Variants in TRIM51G observed in about 807,000 individuals in gnomAD.
The protein encoded by TRIM51G is tripartite motif-containing 51G, also known as tripartite motif-containing protein 51G.
chr11:48,979,209 T>C, the TRIM51G span: 1 of 573,188 alleles, frequency 1.7e-6, no homozygotes, highest in Admixed American at 2.4e-5. Flanking sequence ...CTCGATCTTG[T>C]CAATTCTCAG....
the TRIM51G span, chr11:48,977,236 A>G: frequency 1.3e-6 from 1 of 772,320 alleles, no homozygotes; most frequent in South Asian, 1.4e-5. Context: ...ATACATAAGA[A>G]TCACCACCTT....
chr11:48,976,301 T>G, the TRIM51G span, among the ~76,000 whole-genome samples: 1 of 152,172 alleles, frequency 6.6e-6, no homozygotes, highest in African/African-American at 2.4e-5. Flanking sequence ...ATGCCCTGAA[T>G]GCCCTTTAGC....
the TRIM51G span, chr11:48,975,847 A>T: frequency 5.8e-6 from 7 of 1,203,364 alleles, no homozygotes; most frequent in Non-Finnish European, 8.6e-6. Context: ...TTTGCCAGAT[A>T]TGAAAAAATC....
chr11:48,980,661 A>G, the TRIM51G span, among the ~76,000 whole-genome samples: 7 of 152,252 alleles, frequency 4.6e-5, no homozygotes, highest in South Asian at 2.1e-4. Context: ...TATTTGTTGG[A>G]GTATTGCTAT....
At chr11:48,983,460 C>T in the TRIM51G span, among the ~76,000 whole-genome samples, 35,892 of 151,828 alleles carry the variant, frequency 0.24, 4,871 homozygotes, top group African/African-American at 0.37. Context: ...ACATGCAGTA[C>T]ACATATATAG....
chr11:48,978,621 A>G, the TRIM51G span, among the ~76,000 whole-genome samples: 1 of 152,146 alleles, frequency 6.6e-6, no homozygotes, highest in African/African-American at 2.4e-5. Flanking sequence ...GATGAGAAAT[A>G]TTTCTTGGGG....
chr11:48,983,804 A>C, the TRIM51G span, among the ~76,000 whole-genome samples: 2 of 152,090 alleles, frequency 1.3e-5, no homozygotes, highest in African/African-American at 4.8e-5. Flanking sequence ...AGTATTCCCC[A>C]AGATCAGGAG....
chr11:48,975,856 T>C, the TRIM51G span: 9 of 1,027,720 alleles, frequency 8.8e-6, no homozygotes, highest in Non-Finnish European at 1.2e-5. Context: ...TATGAAAAAA[T>C]CAGCCCCCCA....
At chr11:48,981,272 A>C in the TRIM51G span, 13 of 1,603,462 alleles carry the variant, frequency 8.1e-6, no homozygotes, top group Non-Finnish European at 1.1e-5. Context: ...AGATCTTCAG[A>C]GGCATCACTT....
chr11:48,980,797 G>T, the TRIM51G span: 4 of 392,170 alleles, frequency 1.0e-5, no homozygotes, highest in South Asian at 2.0e-5. Flanking sequence ...TTTTTTCCTT[G>T]TTTGTTGATT....
the TRIM51G span, among the ~76,000 whole-genome samples, chr11:48,980,245 C>T: frequency 6.6e-6 from 1 of 151,906 alleles, no homozygotes; most frequent in Non-Finnish European, 1.5e-5. Context: ...AGATATCATA[C>T]CCTCAATATA....
At chr11:48,981,365 G>T in the TRIM51G span, 2 of 1,607,506 alleles carry the variant, frequency 1.2e-6, no homozygotes, top group Non-Finnish European at 1.7e-6. Flanking sequence ...AGCAAACAGA[G>T]CAGGCTCTTG....
At chr11:48,981,652 C>A in the TRIM51G span, 1 of 1,599,024 alleles carries the variant, frequency 6.3e-7, no homozygotes, top group Non-Finnish European at 8.6e-7. Flanking sequence ...GCAGATGGGA[C>A]AGATGAGTTC....
chr11:48,978,078 G>T, the TRIM51G span: 2 of 486,892 alleles, frequency 4.1e-6, no homozygotes, highest in South Asian at 1.5e-5. Flanking sequence ...CAATATCAAA[G>T]TTCCTGCTTG....
the TRIM51G span, chr11:48,978,199 A>T: frequency 1.9e-6 from 1 of 531,598 alleles, no homozygotes; most frequent in Non-Finnish European, 3.9e-6. Context: ...TTTCCACAAG[A>T]TGCATCTTCA....
the TRIM51G span, chr11:48,975,861 C>G: frequency 1.0e-6 from 1 of 986,702 alleles, no homozygotes; most frequent in African/African-American, 1.6e-5. Context: ...AAAAATCAGC[C>G]CCCCATTGAA....
chr11:48,980,064 C>A, the TRIM51G span, among the ~76,000 whole-genome samples: 1 of 151,908 alleles, frequency 6.6e-6, no homozygotes, highest in Non-Finnish European at 1.5e-5. Context: ...TCTAACACAT[C>A]ATATACATCA....
the TRIM51G span, among the ~76,000 whole-genome samples, chr11:48,982,946 G>GGTGTGTGTGT: frequency 5.4e-4 from 27 of 49,580 alleles, no homozygotes; most frequent in Non-Finnish European, 8.1e-4. Flanking sequence ...AAGTATTTTT[G>GGTGTGTGTGT]GTATATATAC....
the TRIM51G span, among the ~76,000 whole-genome samples, chr11:48,983,477 A>G: frequency 6.6e-6 from 1 of 152,106 alleles, no homozygotes; most frequent in Non-Finnish European, 1.5e-5. Flanking sequence ...ATAGGTTTTA[A>G]TGTGAATTCC....
Sources: gnomAD v4.1 joint callset for allele counts (sites outside exome capture counted in the v4.1 genomes callset) on GRCh38, gnomAD v4.1.1 for gene constraint, MANE v1.5 for transcripts, NCBI Gene and HGNC (gene_info 2026-07-23, HGNC 2026-07-21) for gene names.